STRBP: variants seen among roughly 807,000 people sequenced by gnomAD.
The protein encoded by STRBP is spermatid perinuclear RNA-binding protein.
Under a neutral mutation model 80.1 loss-of-function variants are expected in STRBP, and 13 were observed. The ratio of observed to expected loss-of-function variants is 0.16; its 90% CI spans 0.11 to 0.26. The LOEUF (loss-of-function observed/expected upper bound fraction) is 0.26, where lower values mean the gene tolerates loss of function less well. Among genes scored for constraint, STRBP ranks in the 10% least tolerant of loss-of-function variants. STRBP has a pLI of 1.00. For missense variants in STRBP, 485 were observed against 815.2 expected, an observed-to-expected ratio of 0.59 and a Z score of 4.93; for synonymous variants, 284 against 291.2, an observed-to-expected ratio of 0.98 and a Z score of 0.25.
chr9:123,122,284 TA>T lies in STRBP; in HGVS notation c.*3312del. ...TACGAAGGTCCGAGGAGAACGAGAA[TA>T]AAGTGAGATAAACGTGCTGAAAACT... On this transcript the variant is annotated 3_prime_UTR_variant, in exon 19 of 19. Transcript: ENST00000348403. The T allele has an allele frequency of 2.4e-6, 3 of 1,272,142 alleles. No homozygotes were observed. Among genetic ancestry groups the T allele is most frequent in the Non-Finnish European group, 3.1e-6 (3 of 973,514 alleles). 78.8% of individuals were successfully genotyped at this position (1,272,142 alleles called of 1,614,324 possible).
chr9:123,190,050 T>C (rs907646783), intron 2 of STRBP, among the ~76,000 whole-genome samples: 2 of 151,960 alleles, frequency 1.3e-5, no homozygotes, highest in Admixed American at 1.3e-4. Flanking sequence ...GAGGCAGAGA[T>C]GGGTGGATCA....
chr9:123,260,119 A>T (rs1346644423), intron 1 of STRBP, among the ~76,000 whole-genome samples: 1 of 152,092 alleles, frequency 6.6e-6, no homozygotes, highest in African/African-American at 2.4e-5. Context: ...ATGGTTGTTT[A>T]AAAAAAATAG....
At chr9:123,157,492 G>A (rs2037339528) in intron 11 of STRBP, among the ~76,000 whole-genome samples, 1 of 152,132 alleles carries the variant, frequency 6.6e-6, no homozygotes, top group Non-Finnish European at 1.5e-5. Context: ...GAAAGTCAGT[G>A]TATTGGTCCA....
intron 1 of STRBP, among the ~76,000 whole-genome samples, chr9:123,244,412 C>T (rs1354789297): frequency 1.3e-5 from 2 of 152,124 alleles, no homozygotes; most frequent in Non-Finnish European, 2.9e-5. Flanking sequence ...TCAAAACCCA[C>T]AGACCTGTAC....
intron 2 of STRBP, among the ~76,000 whole-genome samples, chr9:123,226,326 C>T (rs1409577488): frequency 3.9e-5 from 6 of 152,018 alleles, no homozygotes; most frequent in Non-Finnish European, 8.8e-5. Context: ...ATTCATAGAA[C>T]CGTATATTCA....
chr9:123,220,453 T>C (rs927460884), intron 2 of STRBP, among the ~76,000 whole-genome samples: 2 of 152,196 alleles, frequency 1.3e-5, no homozygotes, highest in South Asian at 2.1e-4. Flanking sequence ...AGTAAAAATA[T>C]GATATAATCT....
Position 123,147,844 on chromosome 9 carries a change from G to C in STRBP, c.1072C>G (p.Pro358Ala). Residue 358 changes from proline to alanine, a missense_variant, in exon 12 of 19, where the codon CCA becomes GCA. Pro to Ala is a conservative substitution (Grantham distance 27). Transcript: ENST00000348403. Reference protein sequence around the residue: ...EGAGSSALKRPFEDGLGDDKD... With the variant: ...EGAGSSALKRAFEDGLGDDKD... ...TCATCCCCTAATCCATCTTCAAATG[G>C]CCTCTTTAGAGCTGAAGACCCAGCA... is the stretch of plus-strand genomic sequence containing the variant. The C allele has an allele frequency of 6.2e-7, 1 of 1,612,310 alleles. No homozygotes were observed. Among genetic ancestry groups the C allele is most frequent in the Non-Finnish European group, 8.5e-7 (1 of 1,179,378 alleles).
At chr9:123,267,376 G>C (rs2041292422) in intron 1 of STRBP, among the ~76,000 whole-genome samples, 1 of 151,002 alleles carries the variant, frequency 6.6e-6, no homozygotes, top group African/African-American at 2.4e-5. Flanking sequence ...TTCTCCTACT[G>C]TCCCCACCTC....
chr9:123,252,696 T>C (rs760693775), intron 1 of STRBP, among the ~76,000 whole-genome samples: 13 of 152,274 alleles, frequency 8.5e-5, no homozygotes, highest in Non-Finnish European at 1.5e-4. Flanking sequence ...CATTTGTAGA[T>C]GGCTGCTATT....
chr9:123,152,214 TAAAG>T (rs1003380063), intron 11 of STRBP, among the ~76,000 whole-genome samples: 8 of 152,064 alleles, frequency 5.3e-5, no homozygotes, highest in African/African-American at 1.7e-4. Flanking sequence ...TTCCAACAGT[TAAAG>T]AAAAACTAAC....
At chr9:123,154,612 G>C (rs1476791374) in intron 11 of STRBP, among the ~76,000 whole-genome samples, 1 of 152,040 alleles carries the variant, frequency 6.6e-6, no homozygotes, top group Non-Finnish European at 1.5e-5. Context: ...CTATATATGT[G>C]CTATATCTCA....
chr9:123,124,270 T>C lies in STRBP; in HGVS notation c.*1327A>G, dbSNP rs1444786298. The C allele has an allele frequency of 1.0e-6, 1 of 985,326 alleles. No homozygotes were observed. Among genetic ancestry groups the C allele is most frequent in the Non-Finnish European group, 1.2e-6 (1 of 829,946 alleles). 61.0% of individuals were successfully genotyped at this position (985,326 alleles called of 1,614,324 possible). On this transcript the variant is annotated 3_prime_UTR_variant, in exon 19 of 19. Transcript: ENST00000348403. ...GACATTTTTAAGACATGGTGCCTTA[T>C]AAATATTGACAGGGGACCACACTGC... is the stretch of plus-strand genomic sequence containing the variant.
At chr9:123,255,115 G>T (rs1048938322) in intron 1 of STRBP, among the ~76,000 whole-genome samples, 108 of 152,056 alleles carry the variant, frequency 7.1e-4, no homozygotes, top group African/African-American at 2.5e-3. Flanking sequence ...CCTGCTACAG[G>T]GCTCTGAAAA....
rs1189017578 is a variant in STRBP at position 123,136,852 on chromosome 9, C to G, written c.1498-337G>C. Among the ~76,000 whole-genome samples the G allele has an allele frequency of 6.6e-6, 1 of 152,158 alleles. No individual in the cohort carries two copies. Among genetic ancestry groups the G allele is most frequent in the Non-Finnish European group, 1.5e-5 (1 of 68,032 alleles). On this transcript the variant is annotated intron_variant, in intron 14 of 18. Coordinates refer to ENST00000348403, the MANE Select transcript of STRBP (RefSeq NM_018387.5). The surrounding 1 kb of genome is among the most constrained non-coding windows in gnomAD (Gnocchi z 4.2). ...TAAATTACTAATAACGAGAATAGAA[C>G]AGTTTGGATTCACGTGATGCCTAAG...
At chr9:123,186,851 C>T (rs2038719829) in intron 2 of STRBP, among the ~76,000 whole-genome samples, 1 of 148,262 alleles carries the variant, frequency 6.7e-6, no homozygotes. Flanking sequence ...AAAGGTCAAC[C>T]TAGTGGATAA....
intron 2 of STRBP, among the ~76,000 whole-genome samples, chr9:123,191,699 A>G (rs2038933230): frequency 6.6e-6 from 1 of 152,162 alleles, no homozygotes. Flanking sequence ...TAACCACTTA[A>G]AAGTATAAAA....
At chr9:123,169,672 G>A (rs1425343008) in intron 6 of STRBP, among the ~76,000 whole-genome samples, 4 of 151,982 alleles carry the variant, frequency 2.6e-5, no homozygotes, top group African/African-American at 4.8e-5. Flanking sequence ...AACAAGACAA[G>A]CACAAGTTTT....
intron 5 of STRBP, among the ~76,000 whole-genome samples, chr9:123,170,441 T>G (rs908241302): frequency 1.3e-5 from 2 of 152,220 alleles, no homozygotes; most frequent in Admixed American, 1.3e-4. Flanking sequence ...ACAATAGCTC[T>G]TTTTGTAGAG....
intron 11 of STRBP, among the ~76,000 whole-genome samples, chr9:123,153,033 G>A (rs1292619449): frequency 1.3e-5 from 2 of 152,102 alleles, no homozygotes; most frequent in African/African-American, 2.4e-5. Context: ...GAGGGGTGGT[G>A]TTCTCCATAA....
Sources: gnomAD v4.1 joint callset for allele counts (sites outside exome capture counted in the v4.1 genomes callset) on GRCh38, gnomAD v4.1.1 for gene constraint, Gnocchi (gnomAD v3.1) non-coding constraint, MANE v1.5 for transcripts, NCBI Gene and HGNC (gene_info 2026-07-23, HGNC 2026-07-21) for gene names.